Variants in DHX30 observed in about 807,000 individuals in gnomAD.
The protein encoded by DHX30 is ATP-dependent RNA helicase DHX30.
A neutral mutation model predicts 116.9 loss-of-function variants in DHX30; 4 were observed. The ratio of observed to expected loss-of-function variants is 0.03; its 90% confidence interval spans 0.02 to 0.08. DHX30 has a LOEUF of 0.08. DHX30 is among the 10% of genes least tolerant of loss of function. The pLI is 1.00. For missense variants in DHX30, 871 were observed against 1,595.1 expected, an observed-to-expected ratio of 0.55 and a Z score of 7.73; for synonymous variants, 697 against 651.7, an observed-to-expected ratio of 1.07 and a Z score of -1.06.
Position 47,849,615 on chromosome 3 carries a change from C to T in DHX30, c.3192-15C>T. 6.2e-7 allele frequency: 1 copy of T among 1,614,130 alleles called. No homozygotes were observed. The highest frequency in any genetic ancestry group is 8.5e-7 in the Non-Finnish European group (1 of 1,179,994). ...TGGTCCAAAAGGGTGGCCTCACCAGCCCTGTGTTCCCTAGGGAGGCCACAC... is the reference window on the plus strand; with the variant it reads ...TGGTCCAAAAGGGTGGCCTCACCAGTCCTGTGTTCCCTAGGGAGGCCACAC... On this transcript the variant is annotated splice_polypyrimidine_tract_variant and intron_variant, in intron 20 of 21. Coordinates refer to ENST00000445061, the MANE Select transcript of DHX30 (RefSeq NM_138615.3).
At position 47,845,478 on chromosome 3, in the gene DHX30, C is replaced by T. The variant is rs535083384; in HGVS notation, c.940-222C>T. ...CTGGGATTACAGGCGTGAGCCACCG[C>T]GCCCGGCCTGAATTAACTTTAGTTC... On this transcript the variant is annotated intron_variant, in intron 9 of 21. Transcript: ENST00000445061. 69 of 442,362 alleles carry T rather than the reference C, an allele frequency of 1.6e-4. No individual in the cohort carries two copies. In the South Asian group the frequency reaches 3.2e-3, roughly 20 times the overall value. 27.4% of individuals were successfully genotyped at this position (442,362 alleles called of 1,614,324 possible). A position where few individuals can be genotyped will look rare whatever the true frequency, so the allele number is the denominator to read the frequency against.
intron 6 of DHX30, among the ~76,000 whole-genome samples, chr3:47,833,490 C>T (rs2036954903): frequency 7.3e-6 from 1 of 137,154 alleles, no homozygotes; most frequent in Non-Finnish European, 1.5e-5. Context: ...CGAGATCATA[C>T]CACTGACCTC....
At chr3:47,828,653 C>G (rs1388090975) in intron 5 of DHX30, among the ~76,000 whole-genome samples, 1 of 151,422 alleles carries the variant, frequency 6.6e-6, no homozygotes, top group Non-Finnish European at 1.5e-5. Context: ...CACCTGTAGC[C>G]CCAGCTACTT....
At chr3:47,813,238 G>C (rs929494988) in intron 3 of DHX30, among the ~76,000 whole-genome samples, 4 of 152,150 alleles carry the variant, frequency 2.6e-5, no homozygotes, top group Non-Finnish European at 5.9e-5. Flanking sequence ...AGCTACTCGG[G>C]AGGCTGAGGC....
intron 6 of DHX30, among the ~76,000 whole-genome samples, chr3:47,835,924 C>T (rs940695779): frequency 1.3e-5 from 2 of 152,134 alleles, no homozygotes; most frequent in African/African-American, 2.4e-5. Context: ...TAGGGATTTT[C>T]GTTGGACACA....
intron 9 of DHX30, 22 bp downstream of exon 9, chr3:47,843,277 G>A (rs1315948114): frequency 5.0e-6 from 8 of 1,613,678 alleles, no homozygotes; most frequent in Non-Finnish European, 6.8e-6. Flanking sequence ...AAGGTCCTGG[G>A]TGTGGTGCAT....
At chr3:47,819,269 G>A (rs1390108765) in intron 4 of DHX30, 8 of 1,367,736 alleles carry the variant, frequency 5.8e-6, no homozygotes, top group Non-Finnish European at 7.8e-6. Context: ...TGGCAGGTGA[G>A]TGGCTCTGAG....
rs2037596339 is a variant in DHX30, at chr3:47,846,167, C to T, written c.1095C>T (p.Tyr365=). 6.2e-7 allele frequency: 1 copy of T among 1,611,404 alleles called. No individual in the cohort carries two copies. Among genetic ancestry groups the T allele is most frequent in the Non-Finnish European group, 8.5e-7 (1 of 1,178,836 alleles). ...LRKIETFLNH[Y]PVESSWIAPE... ...TTGCTTGCCTCCCTGCCCTCCAGTA[C>T]CCTGTGGAGAGTTCATGGATCGCCC... The change falls in exon 11 of 22, where the codon TAC becomes TAT. Residue 365 remains tyrosine, a splice_region_variant and synonymous_variant. Transcript: ENST00000445061.
At chr3:47,816,871 G>GT in intron 3 of DHX30, 21 of 984,758 alleles carry the variant, frequency 2.1e-5, no homozygotes, top group Non-Finnish European at 2.5e-5. Context: ...GAACACCTTT[G>GT]TATCTACCAC....
At chr3:47,818,998 G>A (rs563384221) in intron 4 of DHX30, among the ~76,000 whole-genome samples, 2 of 152,280 alleles carry the variant, frequency 1.3e-5, no homozygotes, top group Admixed American at 6.5e-5. Context: ...CTCAGGAGGA[G>A]TGTGGGGAAC....
intron 4 of DHX30, among the ~76,000 whole-genome samples, 161 bp from the exon 5 acceptor site, chr3:47,827,186 C>A (rs2036589745): frequency 1.3e-5 from 2 of 152,064 alleles, no homozygotes; most frequent in Non-Finnish European, 2.9e-5. Flanking sequence ...TCCCTGTAAA[C>A]CCTGAAGTCA....
chr3:47,846,923 A>C lies in DHX30; in HGVS notation c.1851A>C (p.Pro617=). ...PVIKVPGFMY[P]VKEHYLEDIL... Reference sequence around the variant, plus strand: ...TCAAGGTGCCTGGCTTCATGTACCCAGTCAAGGAGCACTACCTAGAGGACA... The same window carrying C: ...TCAAGGTGCCTGGCTTCATGTACCCCGTCAAGGAGCACTACCTAGAGGACA... Residue 617 remains proline, a synonymous_variant, in exon 11 of 22, where the codon CCA becomes CCC. Transcript: ENST00000445061. The C allele has an allele frequency of 6.2e-7, 1 of 1,613,616 alleles. No homozygotes were observed. Among genetic ancestry groups the C allele is most frequent in the South Asian group, 1.1e-5 (1 of 91,086 alleles).
chr3:47,846,026 G>T (rs2037590097), intron 10 of DHX30, 139 bp from the exon 11 acceptor site: 2 of 1,394,106 alleles, frequency 1.4e-6, no homozygotes, highest in Non-Finnish European at 1.9e-6. Context: ...AGGATCCCGG[G>T]GCAGTCATGG....
intron 9 of DHX30, 37 bp from the exon 10 acceptor site, chr3:47,845,663 C>T: frequency 6.5e-7 from 1 of 1,528,612 alleles, no homozygotes. Context: ...TTGGGGAGCC[C>T]CAGAGCATAG....
intron 6 of DHX30, among the ~76,000 whole-genome samples, chr3:47,836,127 T>C (rs2037103067): frequency 1.3e-5 from 2 of 152,228 alleles, no homozygotes. Context: ...ACTCAGACTT[T>C]TGTTTTTTGA....
chr3:47,836,801 G>A (rs755368754), intron 6 of DHX30, among the ~76,000 whole-genome samples: 15 of 152,266 alleles, frequency 9.9e-5, no homozygotes, highest in Non-Finnish European at 1.3e-4. Context: ...GTGAGCCACC[G>A]TGCCCAGCCT....
Position 47,828,977 on chromosome 3 carries a change from C to CTG in DHX30, c.256-46_256-45insGT, listed in dbSNP as rs772918782. On this transcript the variant is annotated intron_variant, in intron 5 of 21. Transcript: ENST00000445061. ...ATTTTCCATGTAATTTGCAACAACTCTAGTCTGGAGTGGCAAGACTTCTGA... is the reference window on the plus strand; with the variant it reads ...ATTTTCCATGTAATTTGCAACAACTCTGTAGTCTGGAGTGGCAAGACTTCTGA... 1.6e-4 allele frequency: 193 copies of CTG among 1,199,864 alleles called. 1 individual carries two copies. The East Asian group carries it at 4.2e-3, about 26-fold the overall frequency. The allele number at this position is 1,199,864 out of a possible 1,614,324, so 74.3% of individuals were successfully genotyped here.
intron 4 of DHX30, chr3:47,819,335 A>G: frequency 7.5e-7 from 1 of 1,328,832 alleles, no homozygotes; most frequent in Non-Finnish European, 1.0e-6. Flanking sequence ...TTAACCAGGC[A>G]GTTGGCTAGG....
intron 6 of DHX30, among the ~76,000 whole-genome samples, chr3:47,832,122 G>A (rs1440649387): frequency 1.3e-5 from 2 of 150,318 alleles, no homozygotes; most frequent in African/African-American, 2.5e-5. Flanking sequence ...TGTTGCCCAG[G>A]CTGGTCTCTA....
Sources: gnomAD v4.1 joint callset for allele counts (sites outside exome capture counted in the v4.1 genomes callset) on GRCh38, gnomAD v4.1.1 for gene constraint, MANE v1.5 for transcripts, NCBI Gene and HGNC (gene_info 2026-07-23, HGNC 2026-07-21) for gene names.